The following ERC1 variants were observed in gnomAD, a reference collection of about 807,000 sequenced individuals.
ERC1 encodes the protein ELKS/RAB6-interacting/CAST family member 1, also known as RAB6 interacting protein 2.
In ERC1, 56 loss-of-function variants were observed where a neutral mutation model predicts 132.0. The ratio of observed to expected loss-of-function variants is 0.42; its 90% CI spans 0.34 to 0.53. The LOEUF is 0.53. Ranked by LOEUF, ERC1 falls within the 20% of genes least tolerant of loss-of-function variation. The pLI, the probability that ERC1 is intolerant of heterozygous loss-of-function variation, is 0.03. For missense variants in ERC1, 1,202 were observed against 1,349.9 expected (o/e 0.89, Z 1.72); for synonymous variants, 478 against 476.1 (o/e 1.00, Z -0.05).
intron 14 of ERC1, 97 bp downstream of exon 14, chr12:1,263,262 T>G (rs2077257436): frequency 8.0e-7 from 1 of 1,245,170 alleles, no homozygotes; most frequent in Non-Finnish European, 1.1e-6. Flanking sequence ...ATTGTATGTT[T>G]ATAGGGTTTC....
chr12:1,471,849 C>G (rs1365549983), intron 18 of ERC1, among the ~76,000 whole-genome samples: 1 of 152,184 alleles, frequency 6.6e-6, no homozygotes, highest in Admixed American at 6.5e-5. Flanking sequence ...CCATGGAGAG[C>G]TTGTGCACCT....
At chr12:1,161,984 T>C (rs1205112626) in intron 8 of ERC1, among the ~76,000 whole-genome samples, 1 of 152,238 alleles carries the variant, frequency 6.6e-6, no homozygotes, top group East Asian at 1.9e-4. Context: ...TTTTTTCTTC[T>C]GAGCACAATG....
chr12:1,389,082 G>A (rs1034179346), intron 16 of ERC1, among the ~76,000 whole-genome samples: 27 of 152,250 alleles, frequency 1.8e-4, no homozygotes, highest in East Asian at 5.8e-4. Flanking sequence ...TGGGTCCCAC[G>A]GTCACTACCC....
intron 16 of ERC1, among the ~76,000 whole-genome samples, chr12:1,374,403 T>C (rs2087621112): frequency 6.7e-6 from 1 of 149,932 alleles, no homozygotes; most frequent in Admixed American, 6.7e-5. Flanking sequence ...CCCTACAGGG[T>C]AACTTGTCTC....
At chr12:995,208 C>T (rs899869389) in intron 1 of ERC1, among the ~76,000 whole-genome samples, 42 of 151,746 alleles carry the variant, frequency 2.8e-4, no homozygotes, top group African/African-American at 1.0e-3. Flanking sequence ...AGTGAGCTGT[C>T]ATTCCGTCGT....
At chr12:1,141,320 G>T (rs1285135039) in intron 7 of ERC1, among the ~76,000 whole-genome samples, 1 of 152,054 alleles carries the variant, frequency 6.6e-6, no homozygotes, top group African/African-American at 2.4e-5. Flanking sequence ...GCTTCACTTG[G>T]AAACTTGTTA....
intron 7 of ERC1, among the ~76,000 whole-genome samples, chr12:1,126,986 CAAAAAAAAA>C (rs71055135): frequency 7.2e-4 from 82 of 114,206 alleles, no homozygotes; most frequent in African/African-American, 2.7e-3. Context: ...GATTCTGTCT[CAAAAAAAAA>C]AAAAAAAAAA....
At chr12:1,095,574 C>T (rs1353862768) in intron 3 of ERC1, among the ~76,000 whole-genome samples, 1 of 152,030 alleles carries the variant, frequency 6.6e-6, no homozygotes, top group East Asian at 1.9e-4. Context: ...GACTATATAA[C>T]AAGATTCAGA....
chr12:1,377,540 A>G (rs985146677), intron 16 of ERC1, among the ~76,000 whole-genome samples: 2 of 152,230 alleles, frequency 1.3e-5, no homozygotes, highest in East Asian at 1.9e-4. Flanking sequence ...TGGACTTGCT[A>G]TCTTTCAATT....
At position 1,354,549 on chromosome 12, in the gene ERC1, G is replaced by A. The variant is rs567141369; in HGVS notation, c.2781-17284G>A. On this transcript the variant is annotated intron_variant, in intron 15 of 18. Coordinates refer to ENST00000360905, the MANE Select transcript of ERC1 (RefSeq NM_178040.4). The stretch of plus-strand genomic sequence containing the variant: ...AAAAAAAAAAAACTTAGTTGAAGGT[G>A]CCTAGTAGAATATCTGGCTCTATAG... 3.9e-5 allele frequency among the ~76,000 whole-genome samples: 6 copies of A among 152,084 alleles called. No individual in the cohort carries two copies. In the South Asian group the frequency reaches 1.2e-3, roughly 32 times the overall value.
intron 2 of ERC1, 94 bp downstream of exon 2, chr12:1,028,666 G>A: frequency 2.0e-6 from 2 of 992,984 alleles, no homozygotes; most frequent in Non-Finnish European, 2.9e-6. Flanking sequence ...TCCCTTCGTA[G>A]TATATGTATC....
chr12:1,442,910 A>T (rs2093197453), intron 17 of ERC1, among the ~76,000 whole-genome samples: 1 of 151,426 alleles, frequency 6.6e-6, no homozygotes, highest in Non-Finnish European at 1.5e-5. Context: ...CTTCTTTTTT[A>T]TTTTTTTTTA....
chr12:1,035,428 A>G (rs546805568), intron 2 of ERC1, among the ~76,000 whole-genome samples: 12 of 152,242 alleles, frequency 7.9e-5, no homozygotes, highest in Non-Finnish European at 1.8e-4. Context: ...TGTTTCTGAT[A>G]TAAATACTCA....
intron 8 of ERC1, among the ~76,000 whole-genome samples, chr12:1,147,440 G>A (rs56281831): frequency 0.025 from 3,879 of 152,202 alleles, 160 homozygotes; most frequent in African/African-American, 0.088. Flanking sequence ...TCAAGTAATA[G>A]ACTTAATAGT....
intron 2 of ERC1, among the ~76,000 whole-genome samples, chr12:1,041,209 C>CTTTTT (rs35597759): frequency 7.0e-6 from 1 of 142,284 alleles, no homozygotes; most frequent in Non-Finnish European, 1.5e-5. Context: ...GTCTCTCTTT[C>CTTTTT]TTTTTTTTTT....
intron 14 of ERC1, among the ~76,000 whole-genome samples, chr12:1,272,947 A>T (rs1418940157): frequency 2.3e-5 from 1 of 43,766 alleles, no homozygotes; most frequent in Non-Finnish European, 5.4e-5. Context: ...GACTCCGTCT[A>T]AAAAAAAAAA....
Position 1,073,051 on chromosome 12 carries a change from C to T in ERC1, c.670-10113C>T, listed in dbSNP as rs186471248. ...GTGCGGTGGCTCATGCCTGTAATCCCAGCACTTTGGGAGGCTGAAGCGGGT... is the reference window on the plus strand; with the variant it reads ...GTGCGGTGGCTCATGCCTGTAATCCTAGCACTTTGGGAGGCTGAAGCGGGT... On this transcript the variant is annotated intron_variant, in intron 2 of 18. Transcript: ENST00000360905. Among the ~76,000 whole-genome samples, 5 of 152,188 alleles carry T rather than the reference C, an allele frequency of 3.3e-5. No homozygotes were observed. In the East Asian group the frequency reaches 9.7e-4, roughly 30 times the overall value.
chr12:1,098,745 C>T (rs1258494522), intron 3 of ERC1, among the ~76,000 whole-genome samples: 2 of 152,170 alleles, frequency 1.3e-5, no homozygotes, highest in Non-Finnish European at 2.9e-5. Context: ...ATGTATGAGT[C>T]CTGAAATCAG....
chr12:1,348,981 C>G (rs1262823342), intron 15 of ERC1, among the ~76,000 whole-genome samples: 1 of 152,182 alleles, frequency 6.6e-6, no homozygotes, highest in Non-Finnish European at 1.5e-5. Flanking sequence ...ATTTTGATGA[C>G]TTGGGGAGGT....
Sources: allele counts gnomAD v4.1 joint callset (sites outside exome capture counted in the v4.1 genomes callset), GRCh38; gene constraint gnomAD v4.1.1; transcripts MANE v1.5; gene names NCBI Gene and HGNC (gene_info 2026-07-23, HGNC 2026-07-21).